PRKG1: variants seen among roughly 807,000 people sequenced by gnomAD.
The protein encoded by PRKG1 is cGMP-dependent protein kinase 1.
A neutral mutation model predicts 88.1 loss-of-function variants in PRKG1; 35 were observed. The ratio of observed to expected loss-of-function variants is 0.40; its 90% confidence interval spans 0.30 to 0.53. The LOEUF (loss-of-function observed/expected upper bound fraction) is 0.53, where lower values mean the gene tolerates loss of function less well. Ranked by LOEUF, PRKG1 falls within the 20% of genes least tolerant of loss-of-function variation. PRKG1 has a pLI of 0.59. For missense variants in PRKG1, 540 were observed against 839.8 expected, an observed-to-expected ratio of 0.64 and a Z score of 4.41; for synonymous variants, 303 against 292.5, an observed-to-expected ratio of 1.04 and a Z score of -0.37.
intron 7 of PRKG1, among the ~76,000 whole-genome samples, chr10:52,099,470 C>G (rs546535818): frequency 1.3e-5 from 2 of 152,258 alleles, no homozygotes; most frequent in East Asian, 3.9e-4. Context: ...TATGAAGACA[C>G]TATGTCACAC....
At chr10:51,151,721 C>G (rs1010772512) in intron 1 of PRKG1, among the ~76,000 whole-genome samples, 3 of 151,922 alleles carry the variant, frequency 2.0e-5, no homozygotes, top group African/African-American at 7.3e-5. Context: ...TAACGTTCCA[C>G]TCTAGGATTA....
At chr10:51,813,603 T>C (rs1026027136) in intron 4 of PRKG1, among the ~76,000 whole-genome samples, 10 of 152,176 alleles carry the variant, frequency 6.6e-5, no homozygotes, top group African/African-American at 2.2e-4. Context: ...TAAAGAAAAC[T>C]ACACAGGTAT....
intron 3 of PRKG1, among the ~76,000 whole-genome samples, chr10:51,475,207 A>G (rs1037096093): frequency 1.3e-5 from 2 of 152,016 alleles, no homozygotes; most frequent in African/African-American, 4.8e-5. Context: ...TAATATGCCT[A>G]CTACCCATAC....
intron 9 of PRKG1, among the ~76,000 whole-genome samples, chr10:52,227,424 C>T (rs1280381559): frequency 6.6e-6 from 1 of 152,080 alleles, no homozygotes; most frequent in Admixed American, 6.6e-5. Flanking sequence ...ACTTTTCTTT[C>T]TATTATTCCC....
chr10:51,356,954 C>G (rs1842378600), intron 2 of PRKG1, among the ~76,000 whole-genome samples: 1 of 151,816 alleles, frequency 6.6e-6, no homozygotes, highest in South Asian at 2.1e-4. Context: ...ATTTTTATTC[C>G]CATTGTGCTG....
intron 3 of PRKG1, among the ~76,000 whole-genome samples, chr10:51,509,449 A>T (rs1376374867): frequency 1.3e-5 from 2 of 152,250 alleles, no homozygotes; most frequent in Admixed American, 1.3e-4. Context: ...TCATTAACGT[A>T]TCTGTAGAGG....
intron 5 of PRKG1, among the ~76,000 whole-genome samples, chr10:52,053,444 G>A (rs1235742452): frequency 6.6e-6 from 1 of 152,144 alleles, no homozygotes; most frequent in Non-Finnish European, 1.5e-5. Flanking sequence ...ACAACCATCA[G>A]TCTAATGGAT....
At chr10:52,041,835 A>C (rs1845761512) in intron 5 of PRKG1, among the ~76,000 whole-genome samples, 1 of 152,154 alleles carries the variant, frequency 6.6e-6, no homozygotes, top group African/African-American at 2.4e-5. Flanking sequence ...CTTAGAATTA[A>C]TGAGTAAATT....
chr10:51,570,741 A>C (rs2132167278), intron 3 of PRKG1, among the ~76,000 whole-genome samples: 1 of 152,058 alleles, frequency 6.6e-6, no homozygotes, highest in South Asian at 2.1e-4. Context: ...TATGATTTTC[A>C]CATCCTTTAA....
chr10:51,420,988 C>T (rs878866196), intron 2 of PRKG1, among the ~76,000 whole-genome samples: 1 of 152,148 alleles, frequency 6.6e-6, no homozygotes, highest in Admixed American at 6.6e-5. Context: ...GGATCTTCCC[C>T]CATGATCCAG....
At chr10:51,747,715 C>G (rs928781609) in intron 3 of PRKG1, among the ~76,000 whole-genome samples, 5 of 152,022 alleles carry the variant, frequency 3.3e-5, no homozygotes, top group Non-Finnish European at 5.9e-5. Flanking sequence ...TAAGATTCAC[C>G]ATTTTAACCA....
intron 9 of PRKG1, among the ~76,000 whole-genome samples, chr10:52,204,740 G>C (rs138088747): frequency 6.6e-6 from 1 of 152,054 alleles, no homozygotes; most frequent in Non-Finnish European, 1.5e-5. Flanking sequence ...TGCACAAATT[G>C]TGCACGCAAA....
intron 2 of PRKG1, among the ~76,000 whole-genome samples, chr10:51,278,936 T>A (rs1321086664): frequency 6.6e-6 from 1 of 152,166 alleles, no homozygotes; most frequent in East Asian, 1.9e-4. Context: ...TTGAAGGGTT[T>A]TTTGTGTCTC....
intron 2 of PRKG1, among the ~76,000 whole-genome samples, chr10:51,251,458 C>T (rs1004846996): frequency 6.6e-6 from 1 of 151,752 alleles, no homozygotes; most frequent in Non-Finnish European, 1.5e-5. Flanking sequence ...ATCTGCCAGG[C>T]ACTCAGCTGA....
intron 10 of PRKG1, among the ~76,000 whole-genome samples, chr10:52,266,763 C>T (rs940614541): frequency 2.0e-5 from 3 of 151,300 alleles, no homozygotes; most frequent in East Asian, 3.9e-4. Context: ...AGTAATTTGT[C>T]CAAGAGAACA....
rs188458660 is a variant in PRKG1, at chr10:51,399,708, T to C, written c.479-68015T>C. On this transcript the variant is annotated intron_variant, in intron 2 of 17. Transcript: ENST00000373980. ...ACCTGAGGCACATACTCTGAATTTT[T>C]GAGATGGAGTTTGTGACACAGAGAA... is the stretch of plus-strand genomic sequence containing the variant. 1.6e-3 allele frequency among the ~76,000 whole-genome samples: 239 copies of C among 152,332 alleles called. 1 individual carries two copies. The highest frequency in any genetic ancestry group is 5.7e-3 in the African/African-American group (235 of 41,588).
chr10:51,199,504 T>C (rs924831554), intron 2 of PRKG1, among the ~76,000 whole-genome samples: 1 of 152,190 alleles, frequency 6.6e-6, no homozygotes, highest in African/African-American at 2.4e-5. Flanking sequence ...CGATTTCTTC[T>C]CTCTGCCTCT....
chr10:51,313,335 AC>A (rs975918220), intron 2 of PRKG1, among the ~76,000 whole-genome samples: 1 of 152,168 alleles, frequency 6.6e-6, no homozygotes, highest in African/African-American at 2.4e-5. Flanking sequence ...AGAGTAAGAT[AC>A]AGTTCTACCC....
chr10:51,706,967 A>C (rs1472920654), intron 3 of PRKG1, among the ~76,000 whole-genome samples: 1 of 152,088 alleles, frequency 6.6e-6, no homozygotes, highest in Non-Finnish European at 1.5e-5. Context: ...CACAAGTTTT[A>C]GTCTGATGCT....
Sources: gnomAD v4.1 joint callset for allele counts (sites outside exome capture counted in the v4.1 genomes callset) on GRCh38, gnomAD v4.1.1 for gene constraint, MANE v1.5 for transcripts, NCBI Gene and HGNC (gene_info 2026-07-23, HGNC 2026-07-21) for gene names.